ZNF721: variants seen among roughly 807,000 people sequenced by gnomAD.
The protein encoded by ZNF721 is zinc finger protein 721.
ZNF721 carries 2 observed loss-of-function variants against 2.4 expected under a neutral mutation model. The observed-to-expected ratio is 0.82, with a 90% confidence interval of 0.34 to 2.58. The LOEUF is 2.58. Ranked by LOEUF, ZNF721 falls within the 30% of genes most tolerant of loss-of-function variation. The probability of loss-of-function intolerance (pLI) is 0.11; values close to 1 mark genes in which losing one functional copy is unlikely to be tolerated. For missense variants in ZNF721, 1,187 were observed against 1,085.5 expected, an observed-to-expected ratio of 1.09 and a Z score of -1.31; for synonymous variants, 398 against 381.8, an observed-to-expected ratio of 1.04 and a Z score of -0.50.
rs1052979945 is a variant in ZNF721, at chr4:491,692, A to G, written c.-94+7364T>C. Among the ~76,000 whole-genome samples the G allele has an allele frequency of 2.6e-5, 4 of 152,246 alleles. No individual in the cohort carries two copies. The East Asian group carries it at 5.8e-4, about 22-fold the overall frequency. On this transcript the variant is annotated intron_variant, in intron 1 of 2. Coordinates refer to ENST00000511833, the MANE Select transcript of ZNF721 (RefSeq NM_133474.4). Reference sequence around the variant, plus strand: ...TGTATGAGAGGTTCCCATAATCTCTATCAAAGACAATTGGCTTCAGACTAC... The same window carrying G: ...TGTATGAGAGGTTCCCATAATCTCTGTCAAAGACAATTGGCTTCAGACTAC...
chr4:477,539 A>C (rs1715664317), intron 1 of ZNF721, among the ~76,000 whole-genome samples: 1 of 152,134 alleles, frequency 6.6e-6, no homozygotes, highest in Admixed American at 6.6e-5. Flanking sequence ...TGCCCGGCGC[A>C]TTAATGAGTT....
At chr4:488,957 C>T (rs1363373035) in intron 1 of ZNF721, among the ~76,000 whole-genome samples, 1 of 152,172 alleles carries the variant, frequency 6.6e-6, no homozygotes, top group Non-Finnish European at 1.5e-5. Flanking sequence ...AGGGACCACA[C>T]CTGCACTACC....
At chr4:480,294 T>C (rs1485030456) in intron 1 of ZNF721, among the ~76,000 whole-genome samples, 1 of 152,252 alleles carries the variant, frequency 6.6e-6, no homozygotes, top group Non-Finnish European at 1.5e-5. Flanking sequence ...TTTCACTATG[T>C]GCTTTTGGAT....
At chr4:462,378 T>C (rs950678930) in intron 2 of ZNF721, among the ~76,000 whole-genome samples, 4 of 152,220 alleles carry the variant, frequency 2.6e-5, no homozygotes, top group Non-Finnish European at 4.4e-5. Context: ...ACCACTGACT[T>C]TCTTCACAGA....
At chr4:449,915 A>G (rs1714595241) in intron 2 of ZNF721, among the ~76,000 whole-genome samples, 1 of 152,190 alleles carries the variant, frequency 6.6e-6, no homozygotes, top group African/African-American at 2.4e-5. Context: ...GTGAGAATGA[A>G]TAGAAAAGGA....
intron 1 of ZNF721, among the ~76,000 whole-genome samples, chr4:477,104 C>T (rs1715643367): frequency 6.6e-6 from 1 of 152,078 alleles, no homozygotes; most frequent in Admixed American, 6.6e-5. Context: ...TACAAGTGGT[C>T]CTGCAACAGG....
rs1714196877 is a variant in ZNF721, at chr4:440,509, T to A, written c.*1186A>T. On this transcript the variant is annotated 3_prime_UTR_variant, in exon 3 of 3. Transcript: ENST00000511833. ...CAGGTTCAACTTTTGTTATACTTAA[T>A]ACTCTGATTTATTTTAAAGTCTGAA... 1 of 152,262 alleles carries A rather than the reference T, an allele frequency of 6.6e-6. No homozygotes were observed. 9.4% of individuals were successfully genotyped at this position (152,262 alleles called of 1,614,324 possible).
chr4:449,879 G>A (rs1352865632), intron 2 of ZNF721, among the ~76,000 whole-genome samples: 2 of 152,130 alleles, frequency 1.3e-5, no homozygotes, highest in South Asian at 2.1e-4. Context: ...TAGAATGACT[G>A]TAATTAGAAA....
At chr4:474,630 G>C (rs782129466) in intron 1 of ZNF721, among the ~76,000 whole-genome samples, 2 of 152,102 alleles carry the variant, frequency 1.3e-5, no homozygotes, top group Non-Finnish European at 2.9e-5. Flanking sequence ...TAATCCCAAA[G>C]CTTTGGGAGG....
At chr4:469,809 A>C (rs1211886592) in intron 2 of ZNF721, among the ~76,000 whole-genome samples, 14 of 152,202 alleles carry the variant, frequency 9.2e-5, no homozygotes, top group Admixed American at 9.2e-4. Flanking sequence ...GGGATCATGA[A>C]TATACAATTC....
At chr4:493,234 C>G (rs1054649910) in intron 1 of ZNF721, among the ~76,000 whole-genome samples, 2 of 151,550 alleles carry the variant, frequency 1.3e-5, no homozygotes, top group Non-Finnish European at 2.9e-5. Context: ...TCCAAACTGT[C>G]CTTGTTCATT....
intron 1 of ZNF721, among the ~76,000 whole-genome samples, chr4:495,331 CAA>C (rs548290022): frequency 1.3e-4 from 12 of 90,492 alleles, no homozygotes; most frequent in African/African-American, 2.5e-4. Flanking sequence ...AACTTTTGCT[CAA>C]AAAAAAAAAA....
intron 2 of ZNF721, among the ~76,000 whole-genome samples, chr4:459,112 T>C (rs544599000): frequency 1.3e-5 from 2 of 152,248 alleles, no homozygotes; most frequent in South Asian, 2.1e-4. Flanking sequence ...TGCTGAGAGA[T>C]TGTCACCACC....
chr4:474,541 G>A (rs985959759), intron 1 of ZNF721, among the ~76,000 whole-genome samples: 51 of 152,202 alleles, frequency 3.4e-4, no homozygotes, highest in African/African-American at 1.0e-3. Flanking sequence ...GGTGTTTTGA[G>A]TAGGACACCT....
intron 2 of ZNF721, among the ~76,000 whole-genome samples, chr4:461,118 G>A (rs1715055772): frequency 6.6e-6 from 1 of 152,160 alleles, no homozygotes; most frequent in Non-Finnish European, 1.5e-5. Flanking sequence ...GCATCATCCT[G>A]ATAACAAAGC....
intron 1 of ZNF721, among the ~76,000 whole-genome samples, chr4:484,834 C>T (rs1715853149): frequency 1.3e-5 from 2 of 152,306 alleles, no homozygotes; most frequent in South Asian, 4.1e-4. Context: ...TTGTGATATT[C>T]TATTACCCTG....
intron 1 of ZNF721, among the ~76,000 whole-genome samples, chr4:486,819 A>T (rs1715909815): frequency 6.6e-6 from 1 of 152,208 alleles, no homozygotes; most frequent in South Asian, 2.1e-4. Context: ...CAATTTTCTC[A>T]AATTGTTTCG....
chr4:498,020 C>T (rs1553872969), intron 1 of ZNF721, among the ~76,000 whole-genome samples: 1 of 151,800 alleles, frequency 6.6e-6, no homozygotes, highest in Non-Finnish European at 1.5e-5. Flanking sequence ...GCCTGACCAA[C>T]ATGGTGAAAC....
At chr4:458,244 A>G (rs1714904353) in intron 2 of ZNF721, among the ~76,000 whole-genome samples, 1 of 152,228 alleles carries the variant, frequency 6.6e-6, no homozygotes, top group Non-Finnish European at 1.5e-5. Flanking sequence ...CTTCTCAGAA[A>G]ATAGATAGAA....
Sources: allele counts gnomAD v4.1 joint callset (sites outside exome capture counted in the v4.1 genomes callset), GRCh38; gene constraint gnomAD v4.1.1; transcripts MANE v1.5; gene names NCBI Gene and HGNC (gene_info 2026-07-23, HGNC 2026-07-21).